ZNF385D: variants seen among roughly 807,000 people sequenced by gnomAD.
ZNF385D encodes the protein zinc finger protein 659.
In ZNF385D, 15 loss-of-function variants were observed where a neutral mutation model predicts 35.8. That is an observed-to-expected ratio of 0.42 (90% CI 0.28 to 0.64). ZNF385D has a LOEUF of 0.64. Ranked by LOEUF, ZNF385D falls within the 30% of genes least tolerant of loss-of-function variation. ZNF385D has a pLI of 0.23. For synonymous variants in ZNF385D, 212 were observed against 186.8 expected, an observed-to-expected ratio of 1.13 and a Z score of -1.10; for missense variants, 474 against 494.6, an observed-to-expected ratio of 0.96 and a Z score of 0.39.
At chr3:21,734,234 T>C (rs1215192957) in intron 1 of ZNF385D, among the ~76,000 whole-genome samples, 6 of 152,058 alleles carry the variant, frequency 3.9e-5, no homozygotes, top group Admixed American at 3.3e-4. Context: ...TCCATGAAGA[T>C]TCTGATTGCG....
At chr3:21,684,958 T>C (rs1262235403) in intron 1 of ZNF385D, among the ~76,000 whole-genome samples, 2 of 152,152 alleles carry the variant, frequency 1.3e-5, no homozygotes, top group African/African-American at 2.4e-5. Context: ...ATTTGGAAAA[T>C]TCTAATTTTT....
intron 3 of ZNF385D, among the ~76,000 whole-genome samples, chr3:21,943,286 G>T (rs1242585220): frequency 6.6e-6 from 1 of 151,668 alleles, no homozygotes; most frequent in Non-Finnish European, 1.5e-5. Flanking sequence ...GTGTGTGTGT[G>T]TGTGTATAGA....
chr3:21,621,865 CTGTGTGTGTGTG>C (rs10580512), intron 2 of ZNF385D, among the ~76,000 whole-genome samples: 1 of 146,152 alleles, frequency 6.8e-6, no homozygotes, highest in African/African-American at 2.5e-5. Context: ...CCTGTTACCA[CTGTGTGTGTGTG>C]TGTGTGTGTG....
intron 3 of ZNF385D, among the ~76,000 whole-genome samples, chr3:21,765,936 T>C (rs369684582): frequency 6.6e-6 from 1 of 152,076 alleles, no homozygotes; most frequent in Non-Finnish European, 1.5e-5. Context: ...CTTTAATTAA[T>C]TGGAAGGGAT....
chr3:21,757,299 T>C (rs12633290), intron 3 of ZNF385D, among the ~76,000 whole-genome samples: 19,057 of 151,702 alleles, frequency 0.13, 1,569 homozygotes, highest in Non-Finnish European at 0.17. Context: ...CATGCCACCA[T>C]GCCAGGCTAA....
At position 22,148,096 on chromosome 3, in the gene ZNF385D, G is replaced by A. The variant is rs115617735; in HGVS notation, c.325+20721C>T. ...TCCCACTTTAACAACTTTATGAGTG[G>A]AATTCCAGTTGTGTAAAATTTATAT... On this transcript the variant is annotated intron_variant, in intron 3 of 5. Transcript: ENST00000494108. Among the ~76,000 whole-genome samples the A allele has an allele frequency of 4.7e-3, 711 of 152,192 alleles. 6 individuals are homozygous for A. Among genetic ancestry groups the A allele is most frequent in the African/African-American group, 0.016 (672 of 41,536 alleles).
At chr3:21,427,958 T>A (rs1166136607) in intron 5 of ZNF385D, among the ~76,000 whole-genome samples, 1 of 152,062 alleles carries the variant, frequency 6.6e-6, no homozygotes, top group Non-Finnish European at 1.5e-5. Flanking sequence ...AATTAATAAC[T>A]ATTGAGTCTA....
At chr3:21,773,135 T>A (rs907853501) in intron 3 of ZNF385D, among the ~76,000 whole-genome samples, 2 of 152,002 alleles carry the variant, frequency 1.3e-5, no homozygotes, top group Middle Eastern at 3.4e-3. Context: ...AAGGTGGTAA[T>A]GGTTGCACAA....
At chr3:21,688,360 TTTA>T (rs746825480) in intron 1 of ZNF385D, among the ~76,000 whole-genome samples, 8 of 152,134 alleles carry the variant, frequency 5.3e-5, no homozygotes, top group Non-Finnish European at 1.0e-4. Flanking sequence ...ATGTCCAGTA[TTTA>T]TTATAAATAA....
At chr3:21,881,017 G>A (rs1698249989) in intron 3 of ZNF385D, among the ~76,000 whole-genome samples, 1 of 151,950 alleles carries the variant, frequency 6.6e-6, no homozygotes, top group South Asian at 2.1e-4. Flanking sequence ...AAAGTCTGAA[G>A]CTAACAGGGG....
At position 21,902,621 on chromosome 3, in the gene ZNF385D, T is replaced by C. The variant is rs116314649; in HGVS notation, c.326-237593A>G. Among the ~76,000 whole-genome samples, 700 of 152,324 alleles carry C rather than the reference T, an allele frequency of 4.6e-3. 6 individuals are homozygous for C. The highest frequency in any genetic ancestry group is 0.016 in the African/African-American group (675 of 41,594). Reference sequence around the variant, plus strand: ...CGGTCTTTTTAAAGAAACAGCAGAATGGTGTCATTGAAAATTATTTTTCTT... The same window carrying C: ...CGGTCTTTTTAAAGAAACAGCAGAACGGTGTCATTGAAAATTATTTTTCTT... On this transcript the variant is annotated intron_variant, in intron 3 of 5. Transcript: ENST00000494108.
At chr3:21,872,805 A>T (rs1262517053) in intron 3 of ZNF385D, among the ~76,000 whole-genome samples, 1 of 152,026 alleles carries the variant, frequency 6.6e-6, no homozygotes, top group East Asian at 1.9e-4. Context: ...TTGATAACAC[A>T]CTCCCTCTAA....
At chr3:21,860,267 C>G (rs1231819709) in intron 3 of ZNF385D, among the ~76,000 whole-genome samples, 2 of 152,094 alleles carry the variant, frequency 1.3e-5, no homozygotes, top group Non-Finnish European at 2.9e-5. Context: ...AACTACTCAA[C>G]TGTCTCACTG....
intron 2 of ZNF385D, among the ~76,000 whole-genome samples, chr3:22,294,927 A>T (rs1449609508): frequency 6.6e-6 from 1 of 152,224 alleles, no homozygotes; most frequent in East Asian, 1.9e-4. Context: ...GGAAAATTAG[A>T]TATCTATTTT....
chr3:21,427,684 G>C (rs758546522), intron 5 of ZNF385D, among the ~76,000 whole-genome samples: 47 of 152,106 alleles, frequency 3.1e-4, no homozygotes, highest in Non-Finnish European at 5.7e-4. Flanking sequence ...TCTTTGGCAA[G>C]CTAAGACCCA....
intron 3 of ZNF385D, among the ~76,000 whole-genome samples, chr3:21,789,049 GA>G (rs886642232): frequency 4.0e-5 from 6 of 150,368 alleles, no homozygotes; most frequent in African/African-American, 1.2e-4. Context: ...CCATAAGCAA[GA>G]AAAAAAAATT....
chr3:22,133,382 G>C (rs1703916822), intron 3 of ZNF385D, among the ~76,000 whole-genome samples: 1 of 151,992 alleles, frequency 6.6e-6, no homozygotes, highest in African/African-American at 2.4e-5. Context: ...GTGTGCCTGT[G>C]TGTGAAAGAC....
At chr3:22,168,097 A>G (rs539002648) in intron 3 of ZNF385D, among the ~76,000 whole-genome samples, 124 of 152,352 alleles carry the variant, frequency 8.1e-4, no homozygotes, top group African/African-American at 2.7e-3. Context: ...TAGATGAATT[A>G]TATTTATCAA....
At chr3:21,588,079 TG>T (rs1339447197) in intron 2 of ZNF385D, among the ~76,000 whole-genome samples, 1 of 152,180 alleles carries the variant, frequency 6.6e-6, no homozygotes, top group Non-Finnish European at 1.5e-5. Context: ...ATAAAGTTCC[TG>T]GTCTCAATGA....
Sources: allele counts gnomAD v4.1 joint callset (sites outside exome capture counted in the v4.1 genomes callset), GRCh38; gene constraint gnomAD v4.1.1; transcripts MANE v1.5; gene names NCBI Gene and HGNC (gene_info 2026-07-23, HGNC 2026-07-21).